TEX2: variants seen among roughly 807,000 people sequenced by gnomAD.
TEX2 encodes testis-expressed protein 2.
In TEX2, 53 loss-of-function variants were observed where a neutral mutation model predicts 106.9. That is an observed-to-expected ratio of 0.50 (90% confidence interval 0.40 to 0.62). TEX2 has a LOEUF of 0.62. Among genes scored for constraint, TEX2 ranks in the 20% least tolerant of loss-of-function variants. The probability of loss-of-function intolerance (pLI) is 0.00; values close to 1 mark genes in which losing one functional copy is unlikely to be tolerated. For synonymous variants in TEX2, 523 were observed against 534.8 expected, an observed-to-expected ratio of 0.98 and a Z score of 0.30; for missense variants, 1,207 against 1,379.0, an observed-to-expected ratio of 0.88 and a Z score of 1.98.
chr17:64,220,962 C>A (rs1555633224), intron 1 of TEX2, among the ~76,000 whole-genome samples: 1 of 152,118 alleles, frequency 6.6e-6, no homozygotes, highest in Non-Finnish European at 1.5e-5. Flanking sequence ...AAATGCCCAT[C>A]AATGATAGAC....
At chr17:64,233,715 C>T (rs1245586516) in intron 1 of TEX2, among the ~76,000 whole-genome samples, 1 of 152,212 alleles carries the variant, frequency 6.6e-6, no homozygotes, top group Non-Finnish European at 1.5e-5. Context: ...TTGCAAGGCA[C>T]CATGTTAGAG....
chr17:64,193,463 G>GCTTGCTTC, intron 4 of TEX2, 96 bp downstream of exon 4: 12 of 993,972 alleles, frequency 1.2e-5, no homozygotes, highest in South Asian at 2.6e-5. Flanking sequence ...TTCAGGGTGG[G>GCTTGCTTC]CTTCCTTCCT....
Position 64,213,348 on chromosome 17 carries a change from A to G in TEX2, c.870T>C (p.Thr290=). The G allele has an allele frequency of 6.2e-7, 1 of 1,614,060 alleles. No individual in the cohort carries two copies. The highest frequency in any genetic ancestry group is 8.5e-7 in the Non-Finnish European group (1 of 1,180,054). Residue 290 remains threonine (T), a synonymous_variant, in exon 2 of 12, where the codon ACT becomes ACC. Coordinates refer to ENST00000584379, the MANE Select transcript of TEX2 (RefSeq NM_001288732.2). This position sits in a 1 kb window ranked among gnomAD's most constrained non-coding sequence, Gnocchi z 4.4. The part of the protein sequence containing the change: ...VPEMEAKIED[T]KRRLSEVIYE... ...AGATGACTTCTGAAAGGCGTCGTTT[A>G]GTATCTTCAATTTTAGCCTCCATTT...
chr17:64,161,721 T>G (rs2030895491), intron 7 of TEX2, among the ~76,000 whole-genome samples: 1 of 152,068 alleles, frequency 6.6e-6, no homozygotes, highest in Non-Finnish European at 1.5e-5. Context: ...CTCATGACCC[T>G]CTTCTACTTG....
At chr17:64,203,518 C>A (rs2032736747) in intron 2 of TEX2, among the ~76,000 whole-genome samples, 2 of 152,078 alleles carry the variant, frequency 1.3e-5, no homozygotes, top group Non-Finnish European at 2.9e-5. Flanking sequence ...TGGTTTAGGA[C>A]CAGCATCATC....
At chr17:64,246,685 T>C (rs2033994585) in intron 1 of TEX2, among the ~76,000 whole-genome samples, 2 of 152,130 alleles carry the variant, frequency 1.3e-5, no homozygotes. Flanking sequence ...ACACATGATG[T>C]TCATGAGGAA....
At chr17:64,219,031 C>G (rs1299902612) in intron 1 of TEX2, among the ~76,000 whole-genome samples, 7 of 151,928 alleles carry the variant, frequency 4.6e-5, no homozygotes, top group African/African-American at 1.7e-4. Context: ...CAAGTTATTC[C>G]GAGAAATACT....
At position 64,225,660 on chromosome 17, in the gene TEX2, G is replaced by T. The variant is rs574586671; in HGVS notation, c.-25-11418C>A. ...GCCGAAAGCCCAAGATATGAGAATAGTGTGTTGTGGCTGTGGTCACAAAAC... is the reference window on the plus strand; with the variant it reads ...GCCGAAAGCCCAAGATATGAGAATATTGTGTTGTGGCTGTGGTCACAAAAC... On this transcript the variant is annotated intron_variant, in intron 1 of 11. Coordinates refer to ENST00000584379, the MANE Select transcript of TEX2 (RefSeq NM_001288732.2). Among the ~76,000 whole-genome samples, 15 of 152,276 alleles carry T rather than the reference G, an allele frequency of 9.9e-5. No homozygotes were observed. In the South Asian group the frequency reaches 3.1e-3, roughly 32 times the overall value.
intron 1 of TEX2, chr17:64,256,189 A>C (rs1344048192): frequency 6.6e-6 from 1 of 152,340 alleles, no homozygotes; most frequent in Non-Finnish European, 1.5e-5. Context: ...CTGACTAGGA[A>C]GAGAAGCTCA....
intron 7 of TEX2, among the ~76,000 whole-genome samples, chr17:64,169,556 GTCTT>G (rs1212115083): frequency 6.6e-6 from 1 of 152,128 alleles, no homozygotes; most frequent in Non-Finnish European, 1.5e-5. Context: ...TACTACCCTG[GTCTT>G]TCTTTCTCTG....
At chr17:64,204,731 C>A (rs1041991392) in intron 2 of TEX2, among the ~76,000 whole-genome samples, 1 of 152,156 alleles carries the variant, frequency 6.6e-6, no homozygotes, top group Admixed American at 6.5e-5. Context: ...CTCTTCTTAA[C>A]GGCTAATTAT....
intron 7 of TEX2, among the ~76,000 whole-genome samples, chr17:64,167,871 G>A (rs545666247): frequency 6.1e-4 from 93 of 152,180 alleles, no homozygotes; most frequent in Non-Finnish European, 7.8e-4. Flanking sequence ...TGGTTCAGGG[G>A]TTTGCCTGAG....
At chr17:64,167,579 G>A (rs2031195820) in intron 7 of TEX2, among the ~76,000 whole-genome samples, 1 of 152,144 alleles carries the variant, frequency 6.6e-6, no homozygotes, top group Admixed American at 6.6e-5. Flanking sequence ...AGCACTTTGA[G>A]AGGCTGAGGT....
At chr17:64,189,320 T>C (rs1214666324) in intron 4 of TEX2, among the ~76,000 whole-genome samples, 4 of 152,192 alleles carry the variant, frequency 2.6e-5, no homozygotes, top group Admixed American at 2.6e-4. Flanking sequence ...GAGCGGTGCT[T>C]ACCCTAGCTG....
Position 64,214,074 on chromosome 17 carries a change from C to G in TEX2, c.144G>C (p.Glu48Asp). ...FSASGEEEEE[E>D]EEEFREYFEE... ...CAAAGTACTCCCTGAACTCCTCCTC[C>G]TCTTCCTCCTCCTCCTCGCCGGATG... Residue 48 changes from glutamate to aspartate, a missense_variant, in exon 2 of 12, where the codon GAG becomes GAC. By Grantham distance (45) the Glu-to-Asp change is conservative. This residue lies in a region of TEX2 where 1,067 missense variants were observed against 1,193.6 expected (regional missense o/e 0.89). Transcript: ENST00000584379. 6.2e-7 allele frequency: 1 copy of G among 1,614,156 alleles called. No homozygotes were observed. Among genetic ancestry groups the G allele is most frequent in the Non-Finnish European group, 8.5e-7 (1 of 1,179,998 alleles).
At chr17:64,240,769 C>A (rs1231277771) in intron 1 of TEX2, among the ~76,000 whole-genome samples, 1 of 152,024 alleles carries the variant, frequency 6.6e-6, no homozygotes, top group Non-Finnish European at 1.5e-5. Context: ...GAAAGCAAGG[C>A]AAGAGTAACA....
intron 1 of TEX2, among the ~76,000 whole-genome samples, chr17:64,238,087 G>C (rs2033809907): frequency 1.3e-5 from 2 of 152,134 alleles, no homozygotes; most frequent in Non-Finnish European, 2.9e-5. Context: ...GAATCACGAT[G>C]TCAGGAGTTC....
intron 7 of TEX2, among the ~76,000 whole-genome samples, chr17:64,170,605 T>C (rs1271100125): frequency 1.3e-5 from 2 of 149,748 alleles, no homozygotes; most frequent in Admixed American, 6.7e-5. Flanking sequence ...GGATGGGAGC[T>C]TGGATCTATT....
intron 7 of TEX2, 98 bp from the exon 8 acceptor site, chr17:64,161,031 T>C (rs966197263): frequency 7.7e-7 from 1 of 1,303,430 alleles, no homozygotes; most frequent in Admixed American, 2.0e-5. Flanking sequence ...GGCACCATAC[T>C]GAAAGTCCAT....
Sources: allele counts gnomAD v4.1 joint callset (sites outside exome capture counted in the v4.1 genomes callset), GRCh38; gene constraint gnomAD v4.1.1; regional missense constraint gnomAD v4.1.1; non-coding constraint Gnocchi (gnomAD v3.1); transcripts MANE v1.5; gene names NCBI Gene and HGNC (gene_info 2026-07-23, HGNC 2026-07-21).